The following JAKMIP1 variants were observed in gnomAD, a reference collection of about 807,000 sequenced individuals.
JAKMIP1 encodes the protein janus kinase and microtubule interacting protein 1.
In JAKMIP1, 33 loss-of-function variants were observed where a neutral mutation model predicts 113.0. The observed-to-expected ratio is 0.29, with a 90% confidence interval of 0.22 to 0.39. The LOEUF is 0.39. Ranked by LOEUF, JAKMIP1 falls within the 10% of genes least tolerant of loss-of-function variation. The pLI, the probability that JAKMIP1 is intolerant of heterozygous loss-of-function variation, is 1.00. For synonymous variants in JAKMIP1, 480 were observed against 459.9 expected, an observed-to-expected ratio of 1.04 and a Z score of -0.56; for missense variants, 813 against 1,080.5, an observed-to-expected ratio of 0.75 and a Z score of 3.47.
rs1471196104 is a variant in JAKMIP1, at chr4:6,106,659, C to A, written c.130-692G>T. On this transcript the variant is annotated intron_variant, in intron 2 of 20. Transcript: ENST00000409021. The surrounding 1 kb of genome is among the most constrained non-coding windows in gnomAD (Gnocchi z 5.9). ...ATGAGGACCCTGTGCTACCAGGCAACCCACCCCGCCTTGAGCCTATTCATT... is the reference window on the plus strand; with the variant it reads ...ATGAGGACCCTGTGCTACCAGGCAAACCACCCCGCCTTGAGCCTATTCATT... Among the ~76,000 whole-genome samples the A allele has an allele frequency of 6.6e-6, 1 of 152,178 alleles. No homozygotes were observed. Among genetic ancestry groups the A allele is most frequent in the African/African-American group, 2.4e-5 (1 of 41,432 alleles).
chr4:6,119,642 C>G (rs1288500361), intron 1 of JAKMIP1, among the ~76,000 whole-genome samples: 1 of 152,230 alleles, frequency 6.6e-6, no homozygotes, highest in Non-Finnish European at 1.5e-5. Context: ...CCTCAGAACA[C>G]GAGTCTGAAT....
intron 1 of JAKMIP1, among the ~76,000 whole-genome samples, chr4:6,128,007 G>A (rs988078548): frequency 5.3e-5 from 8 of 152,084 alleles, no homozygotes; most frequent in South Asian, 4.2e-4. Flanking sequence ...TGTATCAGGC[G>A]CCCCATCTGC....
At chr4:6,105,415 C>G in intron 3 of JAKMIP1, 58 bp downstream of exon 3, 7 of 1,481,776 alleles carry the variant, frequency 4.7e-6, no homozygotes, top group South Asian at 3.9e-5. Context: ...GCATTTCCCC[C>G]ATGCGTGCAG....
intron 1 of JAKMIP1, among the ~76,000 whole-genome samples, chr4:6,174,835 C>T (rs10026923): frequency 0.51 from 76,683 of 151,210 alleles, 20,505 homozygotes; most frequent in East Asian, 0.77. Flanking sequence ...CCTTCTGTCG[C>T]CCCAACTGTT....
In JAKMIP1 at chr4:6,188,697, A is replaced by G. The variant is rs977884428; in HGVS notation, c.-148+11556T>C. On this transcript the variant is annotated intron_variant, in intron 1 of 20. Transcript: ENST00000409021. This position sits in a 1 kb window ranked among gnomAD's most constrained non-coding sequence, Gnocchi z 5.8. Reference sequence around the variant, plus strand: ...CCCCATCTTCTGGCTAGAGCACCCCAATTTTTAATATCCTATCCAGCAATA... The same window carrying G: ...CCCCATCTTCTGGCTAGAGCACCCCGATTTTTAATATCCTATCCAGCAATA... 1.3e-5 allele frequency among the ~76,000 whole-genome samples: 2 copies of G among 152,090 alleles called. No individual in the cohort carries two copies. The highest frequency in any genetic ancestry group is 2.4e-5 in the African/African-American group (1 of 41,434).
rs997532818 is a variant in JAKMIP1 at position 6,108,053 on chromosome 4, G to A, written c.130-2086C>T. 1.1e-4 allele frequency among the ~76,000 whole-genome samples: 16 copies of A among 152,298 alleles called. No individual in the cohort carries two copies. Among genetic ancestry groups the A allele is most frequent in the African/African-American group, 3.1e-4 (13 of 41,580 alleles). ...AGGCCTGTGCAGGGCAGCCCGGGGC[G>A]TCTAGGGGCTGCTTCCTGGGAGGGG... is the stretch of plus-strand genomic sequence containing the variant. On this transcript the variant is annotated intron_variant, in intron 2 of 20. Transcript: ENST00000409021. This position sits in a 1 kb window ranked among gnomAD's most constrained non-coding sequence, Gnocchi z 5.6.
chr4:6,035,757 T>G, intron 19 of JAKMIP1, 147 bp downstream of exon 19: 1 of 691,652 alleles, frequency 1.4e-6, no homozygotes, highest in Non-Finnish European at 2.4e-6. Context: ...TGGGCATCTA[T>G]GAAATCTTGC....
At chr4:6,124,642 G>A (rs1024516102) in intron 1 of JAKMIP1, among the ~76,000 whole-genome samples, 5 of 152,176 alleles carry the variant, frequency 3.3e-5, no homozygotes, top group African/African-American at 7.2e-5. Flanking sequence ...ATGCCCTGTC[G>A]GGGAAAAAGT....
intron 1 of JAKMIP1, among the ~76,000 whole-genome samples, chr4:6,118,135 T>C (rs1283835687): frequency 6.6e-6 from 1 of 152,242 alleles, no homozygotes; most frequent in African/African-American, 2.4e-5. Flanking sequence ...AATTTATGTT[T>C]AGAGACTGCA....
At position 6,194,567 on chromosome 4, in the gene JAKMIP1, C is replaced by G. The variant is rs998287561; in HGVS notation, c.-148+5686G>C. 1 of 152,254 alleles carries G rather than the reference C, an allele frequency of 6.6e-6. No individual in the cohort carries two copies. The highest frequency in any genetic ancestry group is 2.4e-5 in the African/African-American group (1 of 41,436). 9.4% of individuals were successfully genotyped at this position (152,254 alleles called of 1,614,324 possible). ...AACCCTGTAGTGATGTGTCCCACCC[C>G]CTCCAGTGCTGTGGAGGGACCCGGG... is the stretch of plus-strand genomic sequence containing the variant. On this transcript the variant is annotated intron_variant, in intron 1 of 20. Transcript: ENST00000409021. This position sits in a 1 kb window ranked among gnomAD's most constrained non-coding sequence, Gnocchi z 7.4.
In JAKMIP1 at chr4:6,105,615, G is replaced by A. The variant is rs1271014224; in HGVS notation, c.482C>T (p.Ala161Val). Residue 161 changes from alanine to valine, a missense_variant, in exon 3 of 21, where the codon GCG becomes GTG. Ala to Val is a moderately conservative substitution (Grantham distance 64, BLOSUM62 0). Around this residue, in one of 2 missense-constraint regions of JAKMIP1, gnomAD observed 540 missense variants for 653.9 expected, o/e 0.83. Transcript: ENST00000409021. ...LQQEILELKA[A>V]RKQAEEALSN... ...GAGCGCCTCCTCTGCCTGCTTGCGC[G>A]CTGCCTTGAGCTCCAGGATCTCCTG... The A allele has an allele frequency of 2.5e-6, 4 of 1,594,304 alleles. No homozygotes were observed. Among genetic ancestry groups the A allele is most frequent in the South Asian group, 1.1e-5 (1 of 88,528 alleles).
chr4:6,090,790 A>G lies in JAKMIP1; in HGVS notation c.625-5161T>C, dbSNP rs1191076536. The stretch of plus-strand genomic sequence containing the variant: ...AGGTTGACCATAACCACCTTAAACT[A>G]GAGTGTCACTCCCCATGTTGACCAT... On this transcript the variant is annotated intron_variant, in intron 3 of 20. Transcript: ENST00000409021. 2.7e-5 allele frequency among the ~76,000 whole-genome samples: 4 copies of G among 147,546 alleles called. No homozygotes were observed. In the East Asian group the frequency reaches 6.0e-4, roughly 22 times the overall value.
In JAKMIP1 at chr4:6,108,721, A is replaced by G. The variant is rs1055837330; in HGVS notation, c.130-2754T>C. Among the ~76,000 whole-genome samples the G allele has an allele frequency of 5.9e-5, 9 of 152,172 alleles. No homozygotes were observed. The highest frequency in any genetic ancestry group is 2.0e-4 in the Admixed American group (3 of 15,278). On this transcript the variant is annotated intron_variant, in intron 2 of 20. Coordinates refer to ENST00000409021, the MANE Select transcript of JAKMIP1 (RefSeq NM_001099433.2). The surrounding 1 kb of genome is among the most constrained non-coding windows in gnomAD (Gnocchi z 5.6). The stretch of plus-strand genomic sequence containing the variant: ...ACTACTCTGAAACCATCATACATGT[A>G]TAGTGTTGAACAAAGAAAGTGGATG...
At chr4:6,164,701 A>G (rs1331742350) in intron 1 of JAKMIP1, among the ~76,000 whole-genome samples, 1 of 152,208 alleles carries the variant, frequency 6.6e-6, no homozygotes, top group East Asian at 1.9e-4. Flanking sequence ...CACTAACAAG[A>G]GTTTGGAAGA....
At position 6,069,960 on chromosome 4, in the gene JAKMIP1, T is replaced by G; in HGVS notation, c.1303-4952A>C. ...CTGTCTTCTCACCTTCCTATCATTTTCAACAGAGCCACCTGTCACAGGCAG... is the reference window on the plus strand; with the variant it reads ...CTGTCTTCTCACCTTCCTATCATTTGCAACAGAGCCACCTGTCACAGGCAG... On this transcript the variant is annotated intron_variant, in intron 8 of 20. Transcript: ENST00000409021. The surrounding 1 kb of genome is among the most constrained non-coding windows in gnomAD (Gnocchi z 4.5). 2.5e-6 allele frequency: 1 copy of G among 396,566 alleles called. No homozygotes were observed. Among genetic ancestry groups the G allele is most frequent in the Non-Finnish European group, 4.4e-6 (1 of 225,014 alleles). The allele number at this position is 396,566 out of a possible 1,614,324, so 24.6% of individuals were successfully genotyped here. A position where few individuals can be genotyped will look rare whatever the true frequency, so the allele number is the denominator to read the frequency against.
rs758993942 is a variant in JAKMIP1 at position 6,059,396 on chromosome 4, G to T, written c.1644+1028C>A. Among the ~76,000 whole-genome samples, 4 of 152,086 alleles carry T rather than the reference G, an allele frequency of 2.6e-5. No homozygotes were observed. Among genetic ancestry groups the T allele is most frequent in the Non-Finnish European group, 4.4e-5 (3 of 68,020 alleles). ...CTTCTGGAGCTGCTTCTGTTAAGCC[G>T]CCTGGAACCTCTTACACCCCTTGCT... On this transcript the variant is annotated intron_variant, in intron 11 of 20. Coordinates refer to ENST00000409021, the MANE Select transcript of JAKMIP1 (RefSeq NM_001099433.2). This position sits in a 1 kb window ranked among gnomAD's most constrained non-coding sequence, Gnocchi z 4.8.
chr4:6,137,914 GTGC>G lies in JAKMIP1; in HGVS notation c.-147-24920_-147-24918del, dbSNP rs1719483643. On this transcript the variant is annotated intron_variant, in intron 1 of 20. Transcript: ENST00000409021. The surrounding 1 kb of genome is among the most constrained non-coding windows in gnomAD (Gnocchi z 4.5). The stretch of plus-strand genomic sequence containing the variant: ...CTGGCATGGGCCTGGCAGACAAGGT[GTGC>G]TCTGGCGTTGGGGGTCCCACCATGG... Among the ~76,000 whole-genome samples the G allele has an allele frequency of 6.6e-6, 1 of 152,006 alleles. No individual in the cohort carries two copies.
At chr4:6,085,691 C>G in intron 3 of JAKMIP1, 62 bp from the exon 4 acceptor site, 2 of 1,502,918 alleles carry the variant, frequency 1.3e-6, no homozygotes, top group Non-Finnish European at 1.8e-6. Flanking sequence ...AATCTCTCCC[C>G]AAATTGGGGC....
rs914225267 is a variant in JAKMIP1 at position 6,135,908 on chromosome 4, TG to T, written c.-147-22912del. On this transcript the variant is annotated intron_variant, in intron 1 of 20. Transcript: ENST00000409021. The surrounding 1 kb of genome is among the most constrained non-coding windows in gnomAD (Gnocchi z 4.9). ...ACTTAAGAAATGGTGGGGGGAGAGGTGGGGGGGGACAGCAAAAATAAGGAGT... is the reference window on the plus strand; with the variant it reads ...ACTTAAGAAATGGTGGGGGGAGAGGTGGGGGGGACAGCAAAAATAAGGAGT... 1.2e-4 allele frequency among the ~76,000 whole-genome samples: 12 copies of T among 96,980 alleles called. No homozygotes were observed. The highest frequency in any genetic ancestry group is 2.7e-4 in the African/African-American group (7 of 25,916). 63.6% of individuals were successfully genotyped at this position (96,980 alleles called of 152,430 possible).
Sources: gnomAD v4.1 joint callset for allele counts (sites outside exome capture counted in the v4.1 genomes callset) on GRCh38, gnomAD v4.1.1 for gene constraint, gnomAD v4.1.1 regional missense constraint, Gnocchi (gnomAD v3.1) non-coding constraint, MANE v1.5 for transcripts, NCBI Gene and HGNC (gene_info 2026-07-23, HGNC 2026-07-21) for gene names.